RLBP1: variants seen among roughly 807,000 people sequenced by gnomAD.
RLBP1 encodes retinaldehyde binding protein 1, also known as retinaldehyde-binding protein 1.
Under a neutral mutation model 36.2 loss-of-function variants are expected in RLBP1, and 26 were observed. The ratio of observed to expected loss-of-function variants is 0.72; its 90% CI spans 0.53 to 1.00. The LOEUF is 1.00. RLBP1 is among the 50% of genes least tolerant of loss of function. The pLI, the probability that RLBP1 is intolerant of heterozygous loss-of-function variation, is 0.00. For synonymous variants in RLBP1, 155 were observed against 156.2 expected, an observed-to-expected ratio of 0.99 and a Z score of 0.06; for missense variants, 410 against 402.4, an observed-to-expected ratio of 1.02 and a Z score of -0.16.
chr15:89,214,975 A>T lies in RLBP1; in HGVS notation c.525+85T>A. The T allele has an allele frequency of 7.1e-7, 1 of 1,403,954 alleles. No homozygotes were observed. Among genetic ancestry groups the T allele is most frequent in the East Asian group, 2.3e-5 (1 of 43,878 alleles). 87.0% of individuals were successfully genotyped at this position (1,403,954 alleles called of 1,614,324 possible). ...CCTCTACAGACCTTGCCTCCTGGAGAACCAGGAATGAGGGCCCAGTAGAGG... is the reference window on the plus strand; with the variant it reads ...CCTCTACAGACCTTGCCTCCTGGAGTACCAGGAATGAGGGCCCAGTAGAGG... On this transcript the variant is annotated intron_variant, in intron 6 of 8. Transcript: ENST00000268125. This position sits in a 1 kb window ranked among gnomAD's most constrained non-coding sequence, Gnocchi z 4.6.
intron 1 of RLBP1, among the ~76,000 whole-genome samples, chr15:89,221,119 T>A (rs998165173): frequency 3.3e-5 from 5 of 151,418 alleles, no homozygotes; most frequent in African/African-American, 1.2e-4. Flanking sequence ...GCAATTCTCC[T>A]GCCTTAGCCT....
chr15:89,218,758 G>T lies in RLBP1; in HGVS notation c.13-65C>A. Reference sequence around the variant, plus strand: ...CAGCCTGAGCCAGCCAGGGAAATGGGCCTGCTCAGACCTTCAGTTCTTTTG... The same window carrying T: ...CAGCCTGAGCCAGCCAGGGAAATGGTCCTGCTCAGACCTTCAGTTCTTTTG... On this transcript the variant is annotated intron_variant, in intron 3 of 8. Coordinates refer to ENST00000268125, the MANE Select transcript of RLBP1 (RefSeq NM_000326.5). The surrounding 1 kb of genome is among the most constrained non-coding windows in gnomAD (Gnocchi z 4.6). 1 of 1,608,362 alleles carries T rather than the reference G, an allele frequency of 6.2e-7. No homozygotes were observed. Among genetic ancestry groups the T allele is most frequent in the Non-Finnish European group, 8.5e-7 (1 of 1,178,918 alleles).
intron 5 of RLBP1, among the ~76,000 whole-genome samples, chr15:89,216,329 C>G (rs1350602947): frequency 6.9e-6 from 1 of 144,292 alleles, no homozygotes; most frequent in East Asian, 2.2e-4. Flanking sequence ...TTTTTTCTTT[C>G]TTTCTTTTTT....
At chr15:89,212,080 A>ATGC (rs1156631511) in intron 6 of RLBP1, among the ~76,000 whole-genome samples, 179 bp from the exon 7 acceptor site, 1 of 152,208 alleles carries the variant, frequency 6.6e-6, no homozygotes, top group Non-Finnish European at 1.5e-5. Flanking sequence ...TGTCACATCC[A>ATGC]TGCTTAGAGG....
chr15:89,221,428 GT>G (rs2051626038), intron 1 of RLBP1, 106 bp downstream of exon 1: 1 of 152,160 alleles, frequency 6.6e-6, no homozygotes, highest in South Asian at 2.1e-4. Context: ...GAATGGCCAG[GT>G]GGTTTCAGTT....
chr15:89,219,258 G>A (rs2150972268), intron 2 of RLBP1, among the ~76,000 whole-genome samples, 183 bp from the exon 3 acceptor site: 1 of 152,270 alleles, frequency 6.6e-6, no homozygotes, highest in East Asian at 1.9e-4. Flanking sequence ...GCACTTCCTG[G>A]TGGCTCTGAG....
intron 1 of RLBP1, among the ~76,000 whole-genome samples, chr15:89,220,746 C>A (rs1028604188): frequency 6.6e-6 from 1 of 152,108 alleles, no homozygotes; most frequent in Non-Finnish European, 1.5e-5. Context: ...GGAGCCCAGG[C>A]AAGAGGGACA....
chr15:89,217,643 A>G (rs1381123359), intron 4 of RLBP1, among the ~76,000 whole-genome samples: 4 of 152,252 alleles, frequency 2.6e-5, no homozygotes, highest in African/African-American at 9.6e-5. Context: ...TCTTTGCCAC[A>G]GACCATCATG....
rs2150969990 is a variant in RLBP1, at chr15:89,214,191, T to C, written c.525+869A>G. ...TAAAATTAGTTTGGGCCAGGTGCGG[T>C]GTCTTATGCCTGTAATCCCAGCACT... On this transcript the variant is annotated intron_variant, in intron 6 of 8. Coordinates refer to ENST00000268125, the MANE Select transcript of RLBP1 (RefSeq NM_000326.5). The surrounding 1 kb of genome is among the most constrained non-coding windows in gnomAD (Gnocchi z 4.6). Among the ~76,000 whole-genome samples the C allele has an allele frequency of 6.6e-6, 1 of 152,196 alleles. No individual in the cohort carries two copies. Among genetic ancestry groups the C allele is most frequent in the East Asian group, 1.9e-4 (1 of 5,184 alleles).
chr15:89,211,700 C>CA lies in RLBP1; in HGVS notation c.684+42_684+43insT. ...AAGGAGGCCCAGCCTCTCAGCCTCC[C>CA]CAGCTGTGGGAGGCTGCCGTGCGAC... On this transcript the variant is annotated intron_variant, in intron 7 of 8. Transcript: ENST00000268125. The surrounding 1 kb of genome is among the most constrained non-coding windows in gnomAD (Gnocchi z 5.8). The CA allele has an allele frequency of 6.2e-7, 1 of 1,608,184 alleles. No individual in the cohort carries two copies. Among genetic ancestry groups the CA allele is most frequent in the African/African-American group, 1.3e-5 (1 of 74,934 alleles).
At position 89,218,434 on chromosome 15, in the gene RLBP1, G is replaced by A. The variant is rs1420939050; in HGVS notation, c.141+131C>T. 9.4e-6 allele frequency: 13 copies of A among 1,378,860 alleles called. No homozygotes were observed. The highest frequency in any genetic ancestry group is 2.8e-5 in the African/African-American group (2 of 70,524). The allele number at this position is 1,378,860 out of a possible 1,614,324, so 85.4% of individuals were successfully genotyped here. ...GACCACCAGGAAGGACCTTAGAACC[G>A]GCCAGTCTATCAGGTCCAGGATGAT... On this transcript the variant is annotated intron_variant, in intron 4 of 8. Coordinates refer to ENST00000268125, the MANE Select transcript of RLBP1 (RefSeq NM_000326.5). This position sits in a 1 kb window ranked among gnomAD's most constrained non-coding sequence, Gnocchi z 4.6.
chr15:89,221,472 C>G (rs2051626487), intron 1 of RLBP1, 63 bp downstream of exon 1: 1 of 152,218 alleles, frequency 6.6e-6, no homozygotes, highest in Non-Finnish European at 1.5e-5. Context: ...TCTCCCTGCT[C>G]CCCTGAGTCC....
chr15:89,215,217 T>G lies in RLBP1; in HGVS notation c.368A>C (p.Gln123Pro). ...CAGGCTGTCAAAGAGCTCAGGGTAC[T>G]GCAGCCGGAAATTCACATAGCCTGG... ...LLRGYVNFRL[Q>P]YPELFDSLSP... The change falls in exon 6 of 9, where the codon CAG (glutamine) becomes CCG (proline). Residue 123 changes from glutamine (Q) to proline (P), a missense_variant. By Grantham distance (76) the Gln-to-Pro change is moderately conservative. Transcript: ENST00000268125. The G allele has an allele frequency of 6.2e-7, 1 of 1,614,164 alleles. No homozygotes were observed. The highest frequency in any genetic ancestry group is 8.5e-7 in the Non-Finnish European group (1 of 1,180,038).
chr15:89,215,293 A>C, intron 5 of RLBP1, 55 bp from the exon 6 acceptor site: 1 of 1,579,350 alleles, frequency 6.3e-7, no homozygotes, highest in Non-Finnish European at 8.7e-7. Context: ...TCCCTACCCC[A>C]TCCCTCCTAG....
chr15:89,213,346 A>G (rs1422975492), intron 6 of RLBP1, among the ~76,000 whole-genome samples: 19 of 152,200 alleles, frequency 1.2e-4, no homozygotes. Flanking sequence ...ACTTACAGAT[A>G]GTATTATAGT....
Position 89,210,443 on chromosome 15 carries a change from C to A in RLBP1, c.796G>T (p.Val266Phe), listed in dbSNP as rs200917437. The change falls in exon 9 of 9, where the codon GTC becomes TTC. Residue 266 changes from valine (V) to phenylalanine (F), a missense_variant and splice_region_variant. By Grantham distance (50) the Val-to-Phe change is conservative (BLOSUM62 -1). Transcript: ENST00000268125. This position sits in a 1 kb window ranked among gnomAD's most constrained non-coding sequence, Gnocchi z 4.7. ...GAAAGGTCATCCCCGTGGACAAAGA[C>A]CTGCAGGGAAGCAAGGGAGACAGAA... The part of the protein sequence containing the change: ...PFLKSKLLER[V>F]FVHGDDLSGF... 1.9e-6 allele frequency: 3 copies of A among 1,614,136 alleles called. No individual in the cohort carries two copies. The highest frequency in any genetic ancestry group is 2.5e-6 in the Non-Finnish European group (3 of 1,180,030).
At chr15:89,220,483 A>T (rs2051617341) in intron 1 of RLBP1, among the ~76,000 whole-genome samples, 1 of 152,180 alleles carries the variant, frequency 6.6e-6, no homozygotes. Flanking sequence ...TTGCACAAAG[A>T]GACTTGGAGG....
rs571558347 is a variant in RLBP1, at chr15:89,211,437, G to A, written c.684+306C>T. Reference sequence around the variant, plus strand: ...TGCAGGTTCAAGTCTGGCCTCTGCCGCTTTATTGCTGTGTGACCTCGAGAT... The same window carrying A: ...TGCAGGTTCAAGTCTGGCCTCTGCCACTTTATTGCTGTGTGACCTCGAGAT... On this transcript the variant is annotated intron_variant, in intron 7 of 8. Coordinates refer to ENST00000268125, the MANE Select transcript of RLBP1 (RefSeq NM_000326.5). The surrounding 1 kb of genome is among the most constrained non-coding windows in gnomAD (Gnocchi z 5.8). Among the ~76,000 whole-genome samples the A allele has an allele frequency of 4.6e-5, 7 of 152,286 alleles. No homozygotes were observed. Among genetic ancestry groups the A allele is most frequent in the African/African-American group, 9.6e-5 (4 of 41,542 alleles).
At chr15:89,212,608 ATGTG>A (rs200928834) in intron 6 of RLBP1, among the ~76,000 whole-genome samples, 1 of 131,192 alleles carries the variant, frequency 7.6e-6, no homozygotes, top group Non-Finnish European at 1.6e-5. Flanking sequence ...AAAAAGAAAA[ATGTG>A]TGTGTGTGTG....
Sources: gnomAD v4.1 joint callset for allele counts (sites outside exome capture counted in the v4.1 genomes callset) on GRCh38, gnomAD v4.1.1 for gene constraint, Gnocchi (gnomAD v3.1) non-coding constraint, MANE v1.5 for transcripts, NCBI Gene and HGNC (gene_info 2026-07-23, HGNC 2026-07-21) for gene names.